Variants in WASF2 observed in about 807,000 individuals in gnomAD.
WASF2 encodes the protein actin-binding protein WASF2.
WASF2 carries 14 observed loss-of-function variants against 45.0 expected under a neutral mutation model. The observed-to-expected ratio is 0.31, with a 90% CI of 0.21 to 0.49. The LOEUF (loss-of-function observed/expected upper bound fraction) is 0.49, where lower values mean the gene tolerates loss of function less well. Ranked by LOEUF, WASF2 falls within the 20% of genes least tolerant of loss-of-function variation. The pLI is 0.99. For missense variants in WASF2, 439 were observed against 636.1 expected (o/e 0.69, Z 3.33); for synonymous variants, 200 against 236.3 (o/e 0.85, Z 1.41).
At chr1:27,468,081 A>G (rs1212252435) in intron 1 of WASF2, among the ~76,000 whole-genome samples, 1 of 152,078 alleles carries the variant, frequency 6.6e-6, no homozygotes, top group Non-Finnish European at 1.5e-5. Context: ...TTACAGGCAC[A>G]TGCCACCACA....
Position 27,484,811 on chromosome 1 carries a change from CAA to C in WASF2, c.-44+5173_-44+5174del, listed in dbSNP as rs58153446. On this transcript the variant is annotated intron_variant, in intron 1 of 8. Transcript: ENST00000618852. ...TGGATGACAGAGCGAGACTCTGTCT[CAA>C]AAAAAAAAAGAATACTCTAAAGGAA... 3.2e-5 allele frequency among the ~76,000 whole-genome samples: 4 copies of C among 124,584 alleles called. No individual in the cohort carries two copies. The South Asian group carries it at 8.1e-4, about 25-fold the overall frequency. 81.7% of individuals were successfully genotyped at this position (124,584 alleles called of 152,430 possible). A position where few individuals can be genotyped will look rare whatever the true frequency, so the allele number is the denominator to read the frequency against.
intron 1 of WASF2, among the ~76,000 whole-genome samples, chr1:27,465,657 T>C (rs2017603641): frequency 6.6e-6 from 1 of 152,134 alleles, no homozygotes; most frequent in African/African-American, 2.4e-5. Context: ...CAAGACAAAA[T>C]GGCAATGGCT....
intron 1 of WASF2, among the ~76,000 whole-genome samples, chr1:27,472,437 C>T (rs1261363066): frequency 6.6e-6 from 1 of 151,246 alleles, no homozygotes; most frequent in Non-Finnish European, 1.5e-5. Context: ...AGTTCAGGAC[C>T]AGCCTGGGCA....
intron 1 of WASF2, among the ~76,000 whole-genome samples, chr1:27,475,033 G>C (rs2017747096): frequency 6.6e-6 from 1 of 151,608 alleles, no homozygotes; most frequent in South Asian, 2.1e-4. Context: ...CCACCACTTT[G>C]GGAGGCTGAG....
chr1:27,448,746 G>A (rs920397528), intron 1 of WASF2, among the ~76,000 whole-genome samples: 4 of 150,858 alleles, frequency 2.7e-5, no homozygotes, highest in African/African-American at 9.8e-5. Flanking sequence ...GAAGGCTGAG[G>A]CAGGAGAATC....
At chr1:27,440,918 G>C (rs781244841) in intron 1 of WASF2, among the ~76,000 whole-genome samples, 1 of 151,864 alleles carries the variant, frequency 6.6e-6, no homozygotes, top group Non-Finnish European at 1.5e-5. Flanking sequence ...CCAGGCTGGA[G>C]TGCAGTAGCA....
At chr1:27,426,893 G>A (rs2016988979) in intron 2 of WASF2, among the ~76,000 whole-genome samples, 1 of 152,134 alleles carries the variant, frequency 6.6e-6, no homozygotes, top group Non-Finnish European at 1.5e-5. Context: ...TTACTGAGAA[G>A]ATTAAATGAG....
At chr1:27,477,890 C>G (rs2017787801) in intron 1 of WASF2, among the ~76,000 whole-genome samples, 1 of 88,960 alleles carries the variant, frequency 1.1e-5, no homozygotes, top group African/African-American at 7.3e-5. Context: ...CAGAGCGAGA[C>G]TCCGTCTCAA....
chr1:27,489,667 G>C lies in WASF2; in HGVS notation c.-44+319C>G, dbSNP rs1053183843. Among the ~76,000 whole-genome samples, 29 of 152,174 alleles carry C rather than the reference G, an allele frequency of 1.9e-4. 1 individual carries two copies. Among genetic ancestry groups the C allele is most frequent in the Admixed American group, 1.0e-3 (16 of 15,270 alleles). On this transcript the variant is annotated intron_variant, in intron 1 of 8. Transcript: ENST00000618852. ...TCGTTTTACACAGGGGGTAAACTAAGGCCTAGAGAGGAAAGTGACTTGCTC... is the reference window on the plus strand; with the variant it reads ...TCGTTTTACACAGGGGGTAAACTAACGCCTAGAGAGGAAAGTGACTTGCTC...
chr1:27,433,063 C>T (rs1467923785), intron 1 of WASF2, among the ~76,000 whole-genome samples: 2 of 152,098 alleles, frequency 1.3e-5, no homozygotes, highest in African/African-American at 2.4e-5. Flanking sequence ...ATACCCGGGC[C>T]CCTCATTGAT....
rs181003642 is a variant in WASF2, at chr1:27,429,933, T to G, written c.-43-1000A>C. Among the ~76,000 whole-genome samples, 40 of 152,314 alleles carry G rather than the reference T, an allele frequency of 2.6e-4. No individual in the cohort carries two copies. In the East Asian group the frequency reaches 7.7e-3, roughly 29 times the overall value. ...ACTGTGCTGTAAGATTCCCTGGTGCTTTCTCTTCTACCCAACAGCTCCCTT... is the reference window on the plus strand; with the variant it reads ...ACTGTGCTGTAAGATTCCCTGGTGCGTTCTCTTCTACCCAACAGCTCCCTT... On this transcript the variant is annotated intron_variant, in intron 1 of 8. Coordinates refer to ENST00000618852, the MANE Select transcript of WASF2 (RefSeq NM_006990.5).
intron 1 of WASF2, among the ~76,000 whole-genome samples, chr1:27,454,409 G>C (rs964317483): frequency 6.6e-6 from 1 of 150,470 alleles, no homozygotes; most frequent in African/African-American, 2.5e-5. Context: ...AAGTGCAGTG[G>C]TGCAATTACA....
intron 1 of WASF2, among the ~76,000 whole-genome samples, chr1:27,463,355 T>C (rs1221306029): frequency 2.6e-5 from 4 of 152,018 alleles, no homozygotes; most frequent in Admixed American, 6.6e-5. Flanking sequence ...ACTGGCCGGA[T>C]GCGGTGACAC....
chr1:27,452,878 T>C (rs895426881), intron 1 of WASF2, among the ~76,000 whole-genome samples: 4 of 150,990 alleles, frequency 2.6e-5, no homozygotes, highest in Admixed American at 2.0e-4. Flanking sequence ...TAAAGACTCA[T>C]GATATAGCAA....
intron 1 of WASF2, 68 bp from the exon 2 acceptor site, chr1:27,429,001 CTTTTTT>C: frequency 7.9e-5 from 57 of 719,236 alleles, no homozygotes; most frequent in South Asian, 1.0e-4. Context: ...CTGTGTGAAT[CTTTTTT>C]TTTTTTTTTT....
intron 8 of WASF2, among the ~76,000 whole-genome samples, chr1:27,409,231 T>C (rs1295775737): frequency 1.3e-5 from 2 of 151,644 alleles, no homozygotes; most frequent in Non-Finnish European, 2.9e-5. Context: ...AAGACCATCC[T>C]GGCTAACAAA....
rs2017471870 is a variant in WASF2, at chr1:27,456,690, A to C, written c.-43-27757T>G. 2.0e-5 allele frequency among the ~76,000 whole-genome samples: 3 copies of C among 151,980 alleles called. No individual in the cohort carries two copies. The South Asian group carries it at 6.2e-4, about 32-fold the overall frequency. On this transcript the variant is annotated intron_variant, in intron 1 of 8. Coordinates refer to ENST00000618852, the MANE Select transcript of WASF2 (RefSeq NM_006990.5). ...GGTCATGGTGCTTTCCTCTGGAAGA[A>C]GTTAAGTAAAACTTCCATTTATTTA...
At chr1:27,412,838 T>A in intron 6 of WASF2, 111 bp from the exon 7 acceptor site, 1 of 1,202,996 alleles carries the variant, frequency 8.3e-7, no homozygotes, top group Non-Finnish European at 1.2e-6. Flanking sequence ...TAGGGAGAAG[T>A]AAAATAGGTA....
intron 4 of WASF2, among the ~76,000 whole-genome samples, chr1:27,417,302 G>A (rs1198148560): frequency 2.6e-5 from 4 of 152,174 alleles, no homozygotes; most frequent in East Asian, 1.9e-4. Flanking sequence ...AACGGAGGCT[G>A]CAGAGTCAAA....
Sources: allele counts gnomAD v4.1 joint callset (sites outside exome capture counted in the v4.1 genomes callset), GRCh38; gene constraint gnomAD v4.1.1; transcripts MANE v1.5; gene names NCBI Gene and HGNC (gene_info 2026-07-23, HGNC 2026-07-21).